Variants in BRINP3 observed in about 807,000 individuals in gnomAD.
The protein encoded by BRINP3 is BMP/retinoic acid-inducible neural-specific protein 3.
Under a neutral mutation model 71.0 loss-of-function variants are expected in BRINP3, and 19 were observed. The ratio of observed to expected loss-of-function variants is 0.27; its 90% CI spans 0.19 to 0.39. BRINP3 has a LOEUF of 0.39. Ranked by LOEUF, BRINP3 falls within the 10% of genes least tolerant of loss-of-function variation. The pLI is 1.00. For missense variants in BRINP3, 959 were observed against 940.8 expected (o/e 1.02, Z -0.25); for synonymous variants, 380 against 337.7 (o/e 1.13, Z -1.37).
At chr1:190,299,325 C>T (rs1054515604) in intron 2 of BRINP3, among the ~76,000 whole-genome samples, 1 of 151,820 alleles carries the variant, frequency 6.6e-6, no homozygotes, top group East Asian at 1.9e-4. Flanking sequence ...CATTATAAAA[C>T]TTAAGTACAA....
intron 1 of BRINP3, among the ~76,000 whole-genome samples, chr1:190,460,335 T>C (rs913591431): frequency 2.6e-5 from 4 of 151,218 alleles, no homozygotes. Flanking sequence ...TATATAACTA[T>C]AATAATTATT....
intron 2 of BRINP3, among the ~76,000 whole-genome samples, chr1:190,444,130 G>T (rs770285299): frequency 2.6e-5 from 4 of 151,434 alleles, no homozygotes; most frequent in Non-Finnish European, 5.9e-5. Flanking sequence ...GTACTCGGGA[G>T]GCTGAGGCAG....
At chr1:190,460,934 A>G (rs1020040681) in intron 1 of BRINP3, among the ~76,000 whole-genome samples, 2 of 152,152 alleles carry the variant, frequency 1.3e-5, no homozygotes, top group African/African-American at 4.8e-5. Flanking sequence ...AGCTCATAGT[A>G]TACGCTCAAC....
intron 2 of BRINP3, among the ~76,000 whole-genome samples, chr1:190,406,111 T>C (rs1477623538): frequency 6.6e-6 from 1 of 152,226 alleles, no homozygotes; most frequent in East Asian, 1.9e-4. Flanking sequence ...TGGTAAAGTA[T>C]GATCCATTAA....
intron 2 of BRINP3, among the ~76,000 whole-genome samples, chr1:190,296,076 T>G (rs489912): frequency 0.61 from 88,690 of 144,908 alleles, 29,614 homozygotes; most frequent in Non-Finnish European, 0.76. Flanking sequence ...GTTTTTTTTT[T>G]GGGGGGGGGC....
chr1:190,390,892 A>G (rs1321746499), intron 2 of BRINP3, among the ~76,000 whole-genome samples: 1 of 151,882 alleles, frequency 6.6e-6, no homozygotes, highest in African/African-American at 2.4e-5. Flanking sequence ...AATGTTTAGC[A>G]TATGAGTGAC....
intron 2 of BRINP3, among the ~76,000 whole-genome samples, chr1:190,349,803 T>C (rs974762373): frequency 6.6e-6 from 1 of 152,110 alleles, no homozygotes; most frequent in Non-Finnish European, 1.5e-5. Flanking sequence ...ATTCCAGCCT[T>C]CATAAAGGGA....
chr1:190,365,270 G>C (rs1669407326), intron 2 of BRINP3, among the ~76,000 whole-genome samples: 1 of 151,974 alleles, frequency 6.6e-6, no homozygotes, highest in Admixed American at 6.6e-5. Flanking sequence ...TGAAGTTTTG[G>C]AAATTGTGTA....
At chr1:190,380,814 A>C (rs920505833) in intron 2 of BRINP3, among the ~76,000 whole-genome samples, 33 of 152,190 alleles carry the variant, frequency 2.2e-4, no homozygotes, top group African/African-American at 7.7e-4. Flanking sequence ...ACTTCTAAAA[A>C]AAAACACAAT....
chr1:190,347,158 T>G (rs2102021374), intron 2 of BRINP3, among the ~76,000 whole-genome samples: 1 of 152,230 alleles, frequency 6.6e-6, no homozygotes, highest in South Asian at 2.1e-4. Flanking sequence ...TATCTTTTTC[T>G]TTAGACGGAG....
Position 190,099,110 on chromosome 1 carries a change from G to A in BRINP3, c.1209C>T (p.Arg403=). The change falls in exon 8 of 8, where the codon CGC becomes CGT. Residue 403 remains arginine, a synonymous_variant. Transcript: ENST00000367462. The stretch of plus-strand genomic sequence containing the variant: ...CATTGCAGTAGAGAAAAGACTGGAT[G>A]CGAGTAAGCCAGTAGGTTGAGGTTC... The part of the protein sequence containing the change: ...RQRTSTYWLT[R]IQSFLYCNEN... 1.2e-6 allele frequency: 2 copies of A among 1,613,966 alleles called. No individual in the cohort carries two copies. Among genetic ancestry groups the A allele is most frequent in the Non-Finnish European group, 1.7e-6 (2 of 1,179,910 alleles).
intron 2 of BRINP3, among the ~76,000 whole-genome samples, chr1:190,410,175 G>C (rs967122981): frequency 1.4e-4 from 21 of 152,042 alleles, no homozygotes; most frequent in Admixed American, 5.9e-4. Context: ...TTACTAGTGG[G>C]GGAAATGGAG....
intron 6 of BRINP3, among the ~76,000 whole-genome samples, chr1:190,195,137 A>C (rs1404718609): frequency 2.0e-5 from 3 of 152,100 alleles, no homozygotes; most frequent in African/African-American, 7.2e-5. Context: ...TATATATGCA[A>C]TCACAAGTAA....
intron 4 of BRINP3, among the ~76,000 whole-genome samples, chr1:190,256,435 G>A (rs1329616070): frequency 6.6e-6 from 1 of 152,116 alleles, no homozygotes; most frequent in Non-Finnish European, 1.5e-5. Context: ...TCTTGACTCT[G>A]TATCCAATTT....
intron 6 of BRINP3, among the ~76,000 whole-genome samples, chr1:190,179,100 C>G (rs1159996753): frequency 6.6e-6 from 1 of 152,092 alleles, no homozygotes; most frequent in African/African-American, 2.4e-5. Flanking sequence ...CCAGGTGCAG[C>G]ACTAGCAGGA....
intron 6 of BRINP3, among the ~76,000 whole-genome samples, chr1:190,165,219 A>C (rs1003471106): frequency 1.3e-5 from 2 of 152,080 alleles, no homozygotes; most frequent in Non-Finnish European, 2.9e-5. Context: ...ATCATTTCTG[A>C]TTTTATATTA....
Position 190,357,516 on chromosome 1 carries a change from T to C in BRINP3, c.237-75766A>G, listed in dbSNP as rs932706812. ...CTGTAGTCAGTGTGGTATCTTTTAA[T>C]AATATCCAAATACAAGAGCTTTTTG... On this transcript the variant is annotated intron_variant, in intron 2 of 7. Transcript: ENST00000367462. Among the ~76,000 whole-genome samples the C allele has an allele frequency of 2.3e-4, 35 of 151,960 alleles. 1 individual carries two copies. The highest frequency in any genetic ancestry group is 8.5e-4 in the African/African-American group (35 of 41,322).
intron 2 of BRINP3, among the ~76,000 whole-genome samples, chr1:190,373,991 T>A (rs970197581): frequency 6.6e-6 from 1 of 151,148 alleles, no homozygotes. Context: ...TTGCACAGGG[T>A]TTGAATCCTA....
intron 7 of BRINP3, among the ~76,000 whole-genome samples, chr1:190,124,397 T>C (rs1183209736): frequency 2.6e-5 from 4 of 152,126 alleles, no homozygotes; most frequent in Non-Finnish European, 5.9e-5. Context: ...TGGAACTCTG[T>C]TAATAGCAGC....
Sources: allele counts gnomAD v4.1 joint callset (sites outside exome capture counted in the v4.1 genomes callset), GRCh38; gene constraint gnomAD v4.1.1; transcripts MANE v1.5; gene names NCBI Gene and HGNC (gene_info 2026-07-23, HGNC 2026-07-21).